The following NOS1AP variants were observed in gnomAD, a reference collection of about 807,000 sequenced individuals.
The protein encoded by NOS1AP is nitric oxide synthase 1 adaptor protein.
A neutral mutation model predicts 56.2 loss-of-function variants in NOS1AP; 21 were observed. The ratio of observed to expected loss-of-function variants is 0.37; its 90% CI spans 0.26 to 0.54. NOS1AP has a LOEUF of 0.54. Ranked by LOEUF, NOS1AP falls within the 20% of genes least tolerant of loss-of-function variation. NOS1AP has a pLI of 0.84. For synonymous variants in NOS1AP, 270 were observed against 274.6 expected, an observed-to-expected ratio of 0.98 and a Z score of 0.17; for missense variants, 522 against 657.8, an observed-to-expected ratio of 0.79 and a Z score of 2.26.
intron 8 of NOS1AP, chr1:162,360,781 C>A: frequency 4.4e-6 from 2 of 456,294 alleles, no homozygotes; most frequent in Non-Finnish European, 8.8e-6. Context: ...CATGCTGAGA[C>A]AGCGGCGCCT....
At chr1:162,108,989 A>G (rs1647614284) in intron 1 of NOS1AP, among the ~76,000 whole-genome samples, 1 of 152,262 alleles carries the variant, frequency 6.6e-6, no homozygotes, top group Non-Finnish European at 1.5e-5. Flanking sequence ...GAGGCTTCAG[A>G]ATCATGGCGT....
Position 162,069,912 on chromosome 1 carries a change from C to T in NOS1AP, c.-266C>T, listed in dbSNP as rs1691623423. 1.0e-5 allele frequency: 2 copies of T among 191,980 alleles called. No individual in the cohort carries two copies. Among genetic ancestry groups the T allele is most frequent in the South Asian group, 1.7e-4 (1 of 5,828 alleles). 11.9% of individuals were successfully genotyped at this position (191,980 alleles called of 1,614,324 possible). A position where few individuals can be genotyped will look rare whatever the true frequency, so the allele number is the denominator to read the frequency against. On this transcript the variant is annotated 5_prime_UTR_variant, in exon 1 of 10. Transcript: ENST00000361897. Reference sequence around the variant, plus strand: ...GCGCCGCGCAGCCCGCTCCCGCCGCCACCTCCTCCCCTGCCGCCCTCCTAG... The same window carrying T: ...GCGCCGCGCAGCCCGCTCCCGCCGCTACCTCCTCCCCTGCCGCCCTCCTAG...
chr1:162,153,131 T>A (rs1649787018), intron 1 of NOS1AP, among the ~76,000 whole-genome samples: 1 of 152,178 alleles, frequency 6.6e-6, no homozygotes, highest in African/African-American at 2.4e-5. Flanking sequence ...TTATACCTTT[T>A]TAATTTTTAC....
chr1:162,089,206 T>TA (rs1453680911), intron 1 of NOS1AP, among the ~76,000 whole-genome samples: 5 of 152,344 alleles, frequency 3.3e-5, no homozygotes, highest in African/African-American at 1.2e-4. Context: ...GATGTAAACA[T>TA]ACTTGTGTGT....
chr1:162,175,303 C>G (rs1651006975), intron 2 of NOS1AP, among the ~76,000 whole-genome samples: 2 of 152,122 alleles, frequency 1.3e-5, no homozygotes, highest in South Asian at 4.1e-4. Flanking sequence ...CTGTCCTCTC[C>G]CATTTATTGC....
At chr1:162,306,859 C>T (rs965073884) in intron 4 of NOS1AP, among the ~76,000 whole-genome samples, 2 of 151,864 alleles carry the variant, frequency 1.3e-5, no homozygotes, top group Non-Finnish European at 2.9e-5. Context: ...ATTGCTTGAA[C>T]CTGGGAGGCA....
chr1:162,241,850 T>C (rs1312164143), intron 2 of NOS1AP, among the ~76,000 whole-genome samples: 1 of 152,228 alleles, frequency 6.6e-6, no homozygotes, highest in Admixed American at 6.5e-5. Flanking sequence ...AGAGGCTGGC[T>C]GCATGGTGCC....
intron 2 of NOS1AP, among the ~76,000 whole-genome samples, chr1:162,227,336 T>G (rs1041162206): frequency 2.6e-5 from 4 of 152,228 alleles, no homozygotes; most frequent in African/African-American, 9.6e-5. Context: ...ACATTCAGAA[T>G]TATTTCTTCT....
intron 8 of NOS1AP, 32 bp from the exon 9 acceptor site, chr1:162,365,372 C>G: frequency 6.2e-7 from 1 of 1,613,946 alleles, no homozygotes; most frequent in Non-Finnish European, 8.5e-7. Flanking sequence ...TCTCTCTGTC[C>G]TGTCTTCTCT....
intron 1 of NOS1AP, among the ~76,000 whole-genome samples, chr1:162,132,469 TC>T (rs1468570188): frequency 1.3e-5 from 2 of 152,058 alleles, no homozygotes; most frequent in African/African-American, 4.8e-5. Context: ...AAAGATAAAG[TC>T]AAGAAAAAAA....
At position 162,314,373 on chromosome 1, in the gene NOS1AP, A is replaced by G. The variant is rs187890218; in HGVS notation, c.344+13667A>G. ...CACCTTTAGAAAACTTCACAAAATTAAATACTGTTTGCCAGGGAGGGAATT... is the reference window on the plus strand; with the variant it reads ...CACCTTTAGAAAACTTCACAAAATTGAATACTGTTTGCCAGGGAGGGAATT... On this transcript the variant is annotated intron_variant, in intron 4 of 9. Transcript: ENST00000361897. 2.0e-3 allele frequency among the ~76,000 whole-genome samples: 302 copies of G among 152,366 alleles called. 1 individual carries two copies. Among genetic ancestry groups the G allele is most frequent in the African/African-American group, 7.0e-3 (289 of 41,580 alleles).
intron 1 of NOS1AP, among the ~76,000 whole-genome samples, chr1:162,087,863 T>C (rs1279163478): frequency 1.3e-5 from 2 of 152,190 alleles, no homozygotes; most frequent in Non-Finnish European, 2.9e-5. Context: ...ACTTGTGATC[T>C]CTGTCTTCCC....
At chr1:162,165,689 CCT>C (rs1280368748) in intron 2 of NOS1AP, among the ~76,000 whole-genome samples, 2 of 152,116 alleles carry the variant, frequency 1.3e-5, no homozygotes, top group Non-Finnish European at 2.9e-5. Flanking sequence ...GCCGACTGTC[CCT>C]GTTTAACCAA....
At chr1:162,126,530 T>C (rs989519731) in intron 1 of NOS1AP, among the ~76,000 whole-genome samples, 3 of 152,168 alleles carry the variant, frequency 2.0e-5, no homozygotes, top group African/African-American at 4.8e-5. Flanking sequence ...CTTTTTTTTT[T>C]TTCTCTCTGT....
intron 2 of NOS1AP, among the ~76,000 whole-genome samples, chr1:162,173,957 G>T (rs1050430116): frequency 6.6e-6 from 1 of 152,124 alleles, no homozygotes; most frequent in African/African-American, 2.4e-5. Context: ...TTACACTGTT[G>T]GTGGGACTGT....
intron 4 of NOS1AP, among the ~76,000 whole-genome samples, chr1:162,331,981 T>C (rs984169054): frequency 1.3e-5 from 2 of 152,164 alleles, no homozygotes; most frequent in African/African-American, 4.8e-5. Flanking sequence ...AGCAAGTCAG[T>C]CCTCTGCTTA....
At chr1:162,313,853 G>C (rs1399187057) in intron 4 of NOS1AP, among the ~76,000 whole-genome samples, 1 of 152,128 alleles carries the variant, frequency 6.6e-6, no homozygotes, top group African/African-American at 2.4e-5. Context: ...CTTTCTGAGG[G>C]CTTTCTGCCT....
At chr1:162,307,677 G>C (rs975311050) in intron 4 of NOS1AP, among the ~76,000 whole-genome samples, 4 of 152,142 alleles carry the variant, frequency 2.6e-5, no homozygotes, top group African/African-American at 7.2e-5. Context: ...CAGGCGTGGT[G>C]GTGGGTGCCT....
rs577201223 is a variant in NOS1AP, at chr1:162,171,090, A to G, written c.177+16614A>G. ...GATGCCAACATGCTGGGGAAGACAC[A>G]GGGGCTGTTGGTCACTGTACTTGGA... On this transcript the variant is annotated intron_variant, in intron 2 of 9. Transcript: ENST00000361897. Among the ~76,000 whole-genome samples the G allele has an allele frequency of 5.3e-5, 8 of 152,268 alleles. No individual in the cohort carries two copies. In the East Asian group the frequency reaches 1.5e-3, roughly 29 times the overall value.
Sources: gnomAD v4.1 joint callset for allele counts (sites outside exome capture counted in the v4.1 genomes callset) on GRCh38, gnomAD v4.1.1 for gene constraint, MANE v1.5 for transcripts, NCBI Gene and HGNC (gene_info 2026-07-23, HGNC 2026-07-21) for gene names.